The following PKD2 variants were observed in gnomAD, a reference collection of about 807,000 sequenced individuals.
PKD2 encodes the protein polycystin 2, transient receptor potential cation channel, also known as polycystin-2.
A neutral mutation model predicts 105.9 loss-of-function variants in PKD2; 48 were observed. The observed-to-expected ratio is 0.45, with a 90% CI of 0.36 to 0.58. PKD2 has a LOEUF of 0.58. Among genes scored for constraint, PKD2 ranks in the 20% least tolerant of loss-of-function variants. The pLI, the probability that PKD2 is intolerant of heterozygous loss-of-function variation, is 0.00. For synonymous variants in PKD2, 464 were observed against 481.1 expected (o/e 0.96, Z 0.46); for missense variants, 1,078 against 1,255.3 (o/e 0.86, Z 2.13).
intron 2 of PKD2, among the ~76,000 whole-genome samples, chr4:88,028,801 A>C (rs1171726442): frequency 6.6e-6 from 1 of 152,214 alleles, no homozygotes; most frequent in Non-Finnish European, 1.5e-5. Context: ...GCACCATTTT[A>C]AAGTAAAAAA....
intron 4 of PKD2, 84 bp downstream of exon 4, chr4:88,038,585 A>G (rs889438204): frequency 2.1e-6 from 3 of 1,437,056 alleles, no homozygotes; most frequent in South Asian, 2.3e-5. Context: ...TCATTCCCTG[A>G]CACCTTCACC....
At position 88,046,823 on chromosome 4, in the gene PKD2, C is replaced by T. The variant is rs749042509; in HGVS notation, c.1501C>T (p.His501Tyr). 1.9e-6 allele frequency: 3 copies of T among 1,612,162 alleles called. No individual in the cohort carries two copies. The South Asian group carries it at 3.3e-5, about 18-fold the overall frequency. ...ATTGGAAATTCGCATTCACAAACTA[C>T]ACTATTTCAGGAGTTTCTGGAATTG... Reference protein sequence around the residue: ...EILEIRIHKLHYFRSFWNCLD... With the variant: ...EILEIRIHKLYYFRSFWNCLD... The change falls in exon 6 of 15, where the codon CAC becomes TAC. Residue 501 changes from histidine to tyrosine, a missense_variant. By Grantham distance (83) the His-to-Tyr change is moderately conservative. Transcript: ENST00000237596.
chr4:88,068,244 G>T (rs1398065203), intron 13 of PKD2, among the ~76,000 whole-genome samples, 183 bp downstream of exon 13: 3 of 152,114 alleles, frequency 2.0e-5, no homozygotes, highest in Non-Finnish European at 4.4e-5. Context: ...GCCAAAGCAG[G>T]CAGGTCATGA....
At chr4:88,070,601 TAGAG>T (rs1223785807) in intron 13 of PKD2, among the ~76,000 whole-genome samples, 32 of 91,480 alleles carry the variant, frequency 3.5e-4, no homozygotes, top group East Asian at 8.9e-4. Context: ...TATATATATA[TAGAG>T]AGAGAGAGAG....
chr4:88,051,638 G>T (rs1286562721), intron 6 of PKD2, among the ~76,000 whole-genome samples: 1 of 152,154 alleles, frequency 6.6e-6, no homozygotes. Flanking sequence ...TAAAATGAAG[G>T]TGGCAGAAAA....
intron 9 of PKD2, among the ~76,000 whole-genome samples, chr4:88,060,003 C>A (rs961320080): frequency 6.6e-6 from 1 of 152,128 alleles, no homozygotes; most frequent in African/African-American, 2.4e-5. Context: ...GTGCAGATGT[C>A]CATCTGATAA....
chr4:88,055,129 T>C (rs1426387226), intron 7 of PKD2, among the ~76,000 whole-genome samples: 2 of 152,182 alleles, frequency 1.3e-5, no homozygotes, highest in African/African-American at 4.8e-5. Flanking sequence ...TCAATATTTC[T>C]TTGCAGTCAG....
Position 88,043,358 on chromosome 4 carries a change from C to T in PKD2, c.1220C>T (p.Ala407Val). 6.2e-7 allele frequency: 1 copy of T among 1,613,950 alleles called. No homozygotes were observed. Among genetic ancestry groups the T allele is most frequent in the Non-Finnish European group, 8.5e-7 (1 of 1,179,884 alleles). Reference sequence around the variant, plus strand: ...AGAGAGGAAACAGCTGCACAAGTTGCTAGCCTCAAGAAAAATGTCTGGCTG... The same window carrying T: ...AGAGAGGAAACAGCTGCACAAGTTGTTAGCCTCAAGAAAAATGTCTGGCTG... ...RTREETAAQV[A>V]SLKKNVWLDR... The change falls in exon 5 of 15, where the codon GCT becomes GTT. Residue 407 changes from alanine (A) to valine (V), a missense_variant. Coordinates refer to ENST00000237596, the MANE Select transcript of PKD2 (RefSeq NM_000297.4).
Position 88,065,752 on chromosome 4 carries a change from C to G in PKD2, c.2241-10C>G. 6.4e-7 allele frequency: 1 copy of G among 1,573,318 alleles called. No homozygotes were observed. The highest frequency in any genetic ancestry group is 8.7e-7 in the Non-Finnish European group (1 of 1,142,918). ...AATGATTTTTATCTGTATCCTCTCTCTAATTTCAGGAAGGGCCATACTGAT... is the reference window on the plus strand; with the variant it reads ...AATGATTTTTATCTGTATCCTCTCTGTAATTTCAGGAAGGGCCATACTGAT... On this transcript the variant is annotated splice_polypyrimidine_tract_variant and intron_variant, in intron 11 of 14. Coordinates refer to ENST00000237596, the MANE Select transcript of PKD2 (RefSeq NM_000297.4).
intron 12 of PKD2, among the ~76,000 whole-genome samples, chr4:88,067,445 C>T (rs1720837895): frequency 6.6e-6 from 1 of 152,152 alleles, no homozygotes; most frequent in South Asian, 2.1e-4. Flanking sequence ...ACCTCAACCT[C>T]CCAGGTAGCT....
At position 88,065,615 on chromosome 4, in the gene PKD2, G is replaced by A. The variant is rs951529624; in HGVS notation, c.2240+120G>A. On this transcript the variant is annotated intron_variant, in intron 11 of 14. Transcript: ENST00000237596. Reference sequence around the variant, plus strand: ...ATACTTTTTTTTTTTTTTTCCAGAGGCAGGTATCTTTCTGGAACATGTTAT... The same window carrying A: ...ATACTTTTTTTTTTTTTTTCCAGAGACAGGTATCTTTCTGGAACATGTTAT... 6 of 1,193,212 alleles carry A rather than the reference G, an allele frequency of 5.0e-6. No individual in the cohort carries two copies. The East Asian group carries it at 1.2e-4, about 23-fold the overall frequency. The allele number at this position is 1,193,212 out of a possible 1,614,324, so 73.9% of individuals were successfully genotyped here.
rs760492200 is a variant in PKD2, at chr4:88,043,282, A to C, written c.1144A>C (p.Ile382Leu). ...KDLNGSSHWG[I>L]IATYSGAGYY... Reference sequence around the variant, plus strand: ...CTTGAATGGTAGTAGCCACTGGGGAATCATTGCAACTTATAGTGGAGCTGG... The same window carrying C: ...CTTGAATGGTAGTAGCCACTGGGGACTCATTGCAACTTATAGTGGAGCTGG... Residue 382 changes from isoleucine (I) to leucine (L), a missense_variant, in exon 5 of 15, where the codon ATC becomes CTC. By Grantham distance (5) the Ile-to-Leu change is conservative. Transcript: ENST00000237596. 12 of 1,613,572 alleles carry C rather than the reference A, an allele frequency of 7.4e-6. No homozygotes were observed. In the East Asian group the frequency reaches 1.3e-4, roughly 18 times the overall value.
intron 2 of PKD2, among the ~76,000 whole-genome samples, chr4:88,025,293 A>AT (rs1392024522): frequency 2.0e-5 from 3 of 152,142 alleles, no homozygotes; most frequent in African/African-American, 7.2e-5. Flanking sequence ...CTTTGTCTCT[A>AT]TTAAAAATTT....
rs200394279 is a variant in PKD2, at chr4:88,075,620, C to T, written c.2833C>T (p.Arg945Cys). Reference protein sequence around the residue: ...LNGQPRPRSSRPSSSQSTEGM... With the variant: ...LNGQPRPRSSCPSSSQSTEGM... ...TGGTCAACCTCGCCCCAGAAGCTCC[C>T]GCCCATCTTCCTCCCAATCTACAGA... Residue 945 changes from arginine (R) to cysteine (C), a missense_variant, in exon 15 of 15, where the codon CGC becomes TGC. Physicochemically the swap from Arg to Cys is radical, Grantham distance 180. Around this residue, in one of 2 missense-constraint regions of PKD2, gnomAD observed 868 missense variants for 1,067.3 expected, o/e 0.81. Coordinates refer to ENST00000237596, the MANE Select transcript of PKD2 (RefSeq NM_000297.4). 9.3e-6 allele frequency: 15 copies of T among 1,614,130 alleles called. No individual in the cohort carries two copies. In the East Asian group the frequency reaches 1.1e-4, roughly 12 times the overall value.
At chr4:88,056,836 C>T (rs1450253659) in intron 8 of PKD2, among the ~76,000 whole-genome samples, 1 of 151,980 alleles carries the variant, frequency 6.6e-6, no homozygotes, top group African/African-American at 2.4e-5. Flanking sequence ...ATAGATATCT[C>T]GAATTAATAT....
Position 88,029,730 on chromosome 4 carries a change from A to T in PKD2, c.710-6490A>T, listed in dbSNP as rs79348098. 6.0e-3 allele frequency among the ~76,000 whole-genome samples: 913 copies of T among 152,356 alleles called. 12 individuals are homozygous for T. Among genetic ancestry groups the T allele is most frequent in the African/African-American group, 0.021 (857 of 41,582 alleles). ...AATGTGATAAGTGATATGAAAGGAG[A>T]TGACTGGGGAAAAGGATTTCCCTCA... On this transcript the variant is annotated intron_variant, in intron 2 of 14. Coordinates refer to ENST00000237596, the MANE Select transcript of PKD2 (RefSeq NM_000297.4).
intron 1 of PKD2, among the ~76,000 whole-genome samples, chr4:88,008,918 A>G (rs1245777562): frequency 6.6e-6 from 1 of 152,240 alleles, no homozygotes; most frequent in Admixed American, 6.5e-5. Flanking sequence ...CACCACAAAT[A>G]GAATAAAATA....
At chr4:88,027,511 GGACTTGCCTTGTCTCAGATGA>G (rs1312794275) in intron 2 of PKD2, among the ~76,000 whole-genome samples, 2 of 152,210 alleles carry the variant, frequency 1.3e-5, no homozygotes, top group Non-Finnish European at 2.9e-5. Flanking sequence ...CAGGCAGAAG[GGACTTGCCTTGTCTCAGATGA>G]GACTTTGGAC....
intron 4 of PKD2, among the ~76,000 whole-genome samples, chr4:88,041,111 C>G (rs1207807311): frequency 6.6e-6 from 1 of 152,188 alleles, no homozygotes; most frequent in African/African-American, 2.4e-5. Flanking sequence ...CCAAACTAAA[C>G]TCATCGTTTT....
Sources: gnomAD v4.1 joint callset for allele counts (sites outside exome capture counted in the v4.1 genomes callset) on GRCh38, gnomAD v4.1.1 for gene constraint, gnomAD v4.1.1 regional missense constraint, MANE v1.5 for transcripts, NCBI Gene and HGNC (gene_info 2026-07-23, HGNC 2026-07-21) for gene names.